The following DDB1 variants were observed in gnomAD, a reference collection of about 807,000 sequenced individuals.
DDB1 encodes the protein damage specific DNA binding protein 1.
DDB1 carries 18 observed loss-of-function variants against 133.1 expected under a neutral mutation model. That is an observed-to-expected ratio of 0.14 (90% CI 0.09 to 0.20). The LOEUF is 0.20. Among genes scored for constraint, DDB1 ranks in the 10% least tolerant of loss-of-function variants. The pLI, the probability that DDB1 is intolerant of heterozygous loss-of-function variation, is 1.00. For missense variants in DDB1, 828 were observed against 1,459.2 expected (o/e 0.57, Z 7.05); for synonymous variants, 580 against 550.5 (o/e 1.05, Z -0.75).
At chr11:61,303,024 C>T in intron 23 of DDB1, 22 bp downstream of exon 23, 1 of 1,607,118 alleles carries the variant, frequency 6.2e-7, no homozygotes, top group Non-Finnish European at 8.5e-7. Context: ...CCCCACCACT[C>T]CCAGAGCTGG....
chr11:61,322,232 A>G, intron 9 of DDB1, 64 bp downstream of exon 9: 1 of 1,293,696 alleles, frequency 7.7e-7, no homozygotes, highest in African/African-American at 1.5e-5. Context: ...CTAGATAAGC[A>G]TAGCTAGGAG....
At chr11:61,329,653 A>C in intron 3 of DDB1, 69 bp from the exon 4 acceptor site, 1 of 1,441,302 alleles carries the variant, frequency 6.9e-7, no homozygotes, top group Non-Finnish European at 9.4e-7. Context: ...GCTGGGCACC[A>C]CTTGTGCAGA....
chr11:61,317,772 T>C (rs754375601), intron 10 of DDB1, among the ~76,000 whole-genome samples: 1 of 152,252 alleles, frequency 6.6e-6, no homozygotes, highest in Non-Finnish European at 1.5e-5. Context: ...CCCAAAGTAC[T>C]GGGATTACAG....
intron 12 of DDB1, 151 bp downstream of exon 12, chr11:61,316,133 TG>T: frequency 1.5e-6 from 1 of 670,454 alleles, no homozygotes; most frequent in Non-Finnish European, 2.6e-6. Context: ...TTGTGATCTC[TG>T]AGTAGTGGAT....
rs768837883 is a variant in DDB1 at position 61,314,105 on chromosome 11, C to T, written c.1695G>A (p.Ser565=). ...AAGAGGGCAACTTCAAGATACGAGC[C>T]GAGATGTCCGTCCAGAGGCCAATGG... The part of the protein sequence containing the change: ...LCAIGLWTDI[S]ARILKLPSFE... The change falls in exon 14 of 27, where the codon TCG becomes TCA. Residue 565 remains serine (S), a synonymous_variant. Transcript: ENST00000301764. The T allele has an allele frequency of 8.1e-6, 13 of 1,613,988 alleles. No homozygotes were observed. In the East Asian group the frequency reaches 1.1e-4, roughly 14 times the overall value.
At chr11:61,305,028 A>C (rs1017333271) in intron 21 of DDB1, among the ~76,000 whole-genome samples, 2 of 152,266 alleles carry the variant, frequency 1.3e-5, no homozygotes, top group African/African-American at 2.4e-5. Context: ...GTGCTAAAGA[A>C]GACAGACTCA....
In DDB1 at chr11:61,323,071, T is replaced by C. The variant is rs1590696130; in HGVS notation, c.945A>G (p.Thr315=). Residue 315 remains threonine (T), a synonymous_variant, in exon 8 of 27, where the codon ACA becomes ACG. Transcript: ENST00000301764. ...LGETSIAECL[T]YLDNGVVFVG... is the part of the protein sequence containing the mutation. ...CAAACACAACACCATTATCAAGGTA[T>C]GTCAAGCACTCAGCAATAGAGGTCT... 1.2e-6 allele frequency: 2 copies of C among 1,613,954 alleles called. No individual in the cohort carries two copies. Among genetic ancestry groups the C allele is most frequent in the Non-Finnish European group, 1.7e-6 (2 of 1,179,976 alleles).
Position 61,309,980 on chromosome 11 carries a change from C to A in DDB1, c.2402-20G>T. 1 of 1,614,188 alleles carries A rather than the reference C, an allele frequency of 6.2e-7. No homozygotes were observed. The highest frequency in any genetic ancestry group is 8.5e-7 in the Non-Finnish European group (1 of 1,180,026). On this transcript the variant is annotated intron_variant, in intron 19 of 26. Coordinates refer to ENST00000301764, the MANE Select transcript of DDB1 (RefSeq NM_001923.5). ...GAAGCACTAGAGAGTAGAGAGATGA[C>A]TACGTGATGACAGGTTACCCATATC...
intron 9 of DDB1, chr11:61,322,051 T>C: frequency 1.8e-6 from 1 of 548,748 alleles, no homozygotes; most frequent in Non-Finnish European, 3.2e-6. Context: ...CTAATTTTCC[T>C]CACTTCTGAG....
Position 61,314,454 on chromosome 11 carries a change from T to C in DDB1, c.1443A>G (p.Gln481=). 1 of 1,613,742 alleles carries C rather than the reference T, an allele frequency of 6.2e-7. No individual in the cohort carries two copies. Residue 481 remains glutamine, a synonymous_variant, in exon 13 of 27, where the codon CAA becomes CAG. Coordinates refer to ENST00000301764, the MANE Select transcript of DDB1 (RefSeq NM_001923.5). ...ITSASVRLVS[Q]EPKALVSEWK... is the part of the protein sequence containing the mutation. ...ATTCACTGACCAGAGCTTTGGGTTC[T>C]TGAGAGACCAACCTCACCGATGCTG...
In DDB1 at chr11:61,323,054, A is replaced by C; in HGVS notation, c.962T>G (p.Val321Gly). 1 of 1,614,118 alleles carries C rather than the reference A, an allele frequency of 6.2e-7. No homozygotes were observed. The highest frequency in any genetic ancestry group is 8.5e-7 in the Non-Finnish European group (1 of 1,180,024). The stretch of plus-strand genomic sequence containing the variant: ...ACCCAGGCGAGACCCGACAAACACA[A>C]CACCATTATCAAGGTATGTCAAGCA... ...AECLTYLDNGVVFVGSRLGDS... is the reference protein window; with the variant it reads ...AECLTYLDNGGVFVGSRLGDS... Residue 321 changes from valine to glycine, a missense_variant, in exon 8 of 27, where the codon GTT (valine) becomes GGT (glycine). Physicochemically the swap from Val to Gly is moderately radical, Grantham distance 109. Coordinates refer to ENST00000301764, the MANE Select transcript of DDB1 (RefSeq NM_001923.5).
chr11:61,326,744 C>A, intron 5 of DDB1, 35 bp downstream of exon 5: 1 of 1,551,600 alleles, frequency 6.4e-7, no homozygotes, highest in South Asian at 1.1e-5. Context: ...AGCCTAGACC[C>A]AGGTGGAGGC....
Position 61,314,106 on chromosome 11 carries a change from G to T in DDB1, c.1694C>A (p.Ser565Ter). ...AGAGGGCAACTTCAAGATACGAGCCGAGATGTCCGTCCAGAGGCCAATGGC... is the reference window on the plus strand; with the variant it reads ...AGAGGGCAACTTCAAGATACGAGCCTAGATGTCCGTCCAGAGGCCAATGGC... ...LCAIGLWTDI[S>*]ARILKLPSFE... The change falls in exon 14 of 27, where the codon TCG becomes TAG. Residue 565 changes from serine to a stop codon, truncating the protein, a stop_gained. Coordinates refer to ENST00000301764, the MANE Select transcript of DDB1 (RefSeq NM_001923.5). LOFTEE classifies it high-confidence loss of function. 1 of 1,614,138 alleles carries T rather than the reference G, an allele frequency of 6.2e-7. No individual in the cohort carries two copies. The highest frequency in any genetic ancestry group is 8.5e-7 in the Non-Finnish European group (1 of 1,180,012).
chr11:61,314,274 G>A (rs780600244), intron 13 of DDB1, 34 bp downstream of exon 13: 9 of 1,596,524 alleles, frequency 5.6e-6, no homozygotes, highest in Non-Finnish European at 6.0e-6. Flanking sequence ...AGAGAAAAGA[G>A]GAGGAAAGCG....
At chr11:61,301,612 C>A (rs1270529204) in intron 25 of DDB1, 4 of 152,212 alleles carry the variant, frequency 2.6e-5, no homozygotes, top group African/African-American at 9.7e-5. Context: ...ATAAAAGCAG[C>A]AGCTCCGTTG....
In DDB1 at chr11:61,300,073, G is replaced by C; in HGVS notation, c.*63C>G. On this transcript the variant is annotated 3_prime_UTR_variant, in exon 27 of 27. Coordinates refer to ENST00000301764, the MANE Select transcript of DDB1 (RefSeq NM_001923.5). ...TGGCCAAGAAGACGATGGTGGAGAG[G>C]AGGGGGAGGGCAGCAGGGCAAAGCC... 6.5e-7 allele frequency: 1 copy of C among 1,536,698 alleles called. No homozygotes were observed. Among genetic ancestry groups the C allele is most frequent in the South Asian group, 1.1e-5 (1 of 89,298 alleles).
At position 61,322,581 on chromosome 11, in the gene DDB1, G is replaced by T. The variant is rs1457291630; in HGVS notation, c.1006-169C>A. The T allele has an allele frequency of 9.4e-5, 57 of 605,292 alleles. No individual in the cohort carries two copies. In the East Asian group the frequency reaches 1.6e-3, roughly 17 times the overall value. 37.5% of individuals were successfully genotyped at this position (605,292 alleles called of 1,614,324 possible). A position where few individuals can be genotyped will look rare whatever the true frequency, so the allele number is the denominator to read the frequency against. On this transcript the variant is annotated intron_variant, in intron 8 of 26. Transcript: ENST00000301764. Reference sequence around the variant, plus strand: ...GGACTATTGACGAAAGAATATGGTTGTCCCACAGGTGACCCATTAATCAGC... The same window carrying T: ...GGACTATTGACGAAAGAATATGGTTTTCCCACAGGTGACCCATTAATCAGC...
chr11:61,300,981 C>T, intron 25 of DDB1, 49 bp from the exon 26 acceptor site: 1 of 1,609,142 alleles, frequency 6.2e-7, no homozygotes, highest in Non-Finnish European at 8.5e-7. Context: ...ACACCCTCCT[C>T]AGTCATCCCC....
intron 22 of DDB1, chr11:61,303,431 G>A: frequency 2.7e-6 from 1 of 366,106 alleles, no homozygotes; most frequent in Non-Finnish European, 5.1e-6. Flanking sequence ...GCTCACGCCT[G>A]TAATCCCAGC....
Sources: gnomAD v4.1 joint callset for allele counts (sites outside exome capture counted in the v4.1 genomes callset) on GRCh38, gnomAD v4.1.1 for gene constraint, MANE v1.5 for transcripts, NCBI Gene and HGNC (gene_info 2026-07-23, HGNC 2026-07-21) for gene names.